Variants in RPS15 observed in about 807,000 individuals in gnomAD.
RPS15 encodes ribosomal protein S15.
RPS15 carries 5 observed loss-of-function variants against 14.9 expected under a neutral mutation model. The ratio of observed to expected loss-of-function variants is 0.34; its 90% CI spans 0.18 to 0.70. The LOEUF is 0.70. Among genes scored for constraint, RPS15 ranks in the 30% least tolerant of loss-of-function variants. The probability of loss-of-function intolerance (pLI) is 0.65; values close to 1 mark genes in which losing one functional copy is unlikely to be tolerated. For synonymous variants in RPS15, 103 were observed against 85.0 expected, an observed-to-expected ratio of 1.21 and a Z score of -1.16; for missense variants, 102 against 204.2, an observed-to-expected ratio of 0.50 and a Z score of 3.05.
At position 1,438,720 on chromosome 19, in the gene RPS15, C is replaced by A. The variant is rs995361749; in HGVS notation, c.4-87C>A. The A allele has an allele frequency of 6.5e-7, 1 of 1,536,690 alleles. No individual in the cohort carries two copies. The highest frequency in any genetic ancestry group is 8.8e-7 in the Non-Finnish European group (1 of 1,136,344). ...GTCGGGCTTCTGTCCCCGGCGGCGC[C>A]GCGCGTCTTCCGCGGTGTCCTCGGG... On this transcript the variant is annotated intron_variant, in intron 1 of 3. Transcript: ENST00000592588. This position sits in a 1 kb window ranked among gnomAD's most constrained non-coding sequence, Gnocchi z 4.8.
chr19:1,439,637 C>G (rs1403224147), intron 2 of RPS15: 1 of 526,466 alleles, frequency 1.9e-6, no homozygotes, highest in African/African-American at 1.9e-5. Context: ...TCAAGCGACC[C>G]TCCCGCCTCA....
chr19:1,438,435 G>C lies in RPS15; in HGVS notation c.3+7G>C, dbSNP rs1448092270. 23 of 1,613,352 alleles carry C rather than the reference G, an allele frequency of 1.4e-5. No individual in the cohort carries two copies. Among genetic ancestry groups the C allele is most frequent in the Non-Finnish European group, 1.7e-5 (20 of 1,179,912 alleles). ...CTGAGGATCCGGCAAGATGGTGAGT[G>C]TTGCGATTTGGCGCGTCTCTGCCGG... On this transcript the variant is annotated splice_region_variant and intron_variant, in intron 1 of 3. Transcript: ENST00000592588. This position sits in a 1 kb window ranked among gnomAD's most constrained non-coding sequence, Gnocchi z 4.8.
rs756877928 is a variant in RPS15, at chr19:1,438,510, C to A, written c.3+82C>A. 86 of 1,609,110 alleles carry A rather than the reference C, an allele frequency of 5.3e-5. No individual in the cohort carries two copies. The Middle Eastern group carries it at 6.6e-4, about 12-fold the overall frequency. ...TGACCGTCTCGCGGGGGCCGCAGTT[C>A]GTCCCCGCGGCTACGGCGGCTTGCT... On this transcript the variant is annotated intron_variant, in intron 1 of 3. Transcript: ENST00000592588. The surrounding 1 kb of genome is among the most constrained non-coding windows in gnomAD (Gnocchi z 4.8).
At chr19:1,439,702 C>T (rs1325870724) in intron 2 of RPS15, 2 of 585,514 alleles carry the variant, frequency 3.4e-6, no homozygotes, top group East Asian at 2.8e-5. Context: ...ACCTGCCTTC[C>T]CCTGCGTTTT....
At chr19:1,439,556 A>C (rs1351185047) in intron 2 of RPS15, 4 of 299,294 alleles carry the variant, frequency 1.3e-5, no homozygotes, top group Non-Finnish European at 2.5e-5. Flanking sequence ...ACCGCGCCCG[A>C]CCTTGATTTT....
At chr19:1,439,641 C>T (rs935199168) in intron 2 of RPS15, 2 of 529,644 alleles carry the variant, frequency 3.8e-6, no homozygotes, top group African/African-American at 1.9e-5. Context: ...GCGACCCTCC[C>T]GCCTCAACCT....
At position 1,440,097 on chromosome 19, in the gene RPS15, G is replaced by C. The variant is rs1212637401; in HGVS notation, c.168G>C (p.Leu56=). 6.3e-7 allele frequency: 1 copy of C among 1,587,492 alleles called. No homozygotes were observed. The highest frequency in any genetic ancestry group is 8.6e-7 in the Non-Finnish European group (1 of 1,168,902). The part of the protein sequence containing the change: ...NRGLRRKQHS[L]LKRLRKAKKE... ...GCCTGCGGCGGAAGCAGCACTCCCT[G>C]CTGAAGCGCCTGCGCAAGGCCAAGA... The change falls in exon 3 of 4, where the codon CTG becomes CTC. Residue 56 remains leucine, a synonymous_variant. Coordinates refer to ENST00000592588, the MANE Select transcript of RPS15 (RefSeq NM_001018.5).
chr19:1,439,934 C>A, intron 2 of RPS15, 85 bp from the exon 3 acceptor site: 1 of 1,135,822 alleles, frequency 8.8e-7, no homozygotes, highest in South Asian at 1.3e-5. Flanking sequence ...TGGAGAGAAC[C>A]AAGCCTTAGT....
intron 2 of RPS15, chr19:1,439,660 GC>G: frequency 1.8e-6 from 1 of 558,002 alleles, no homozygotes; most frequent in Non-Finnish European, 3.2e-6. Context: ...CTCCCGAAGT[GC>G]TGGGATCACA....
In RPS15 at chr19:1,438,451, T is replaced by A; in HGVS notation, c.3+23T>A. The A allele has an allele frequency of 6.2e-7, 1 of 1,613,326 alleles. No homozygotes were observed. Among genetic ancestry groups the A allele is most frequent in the Non-Finnish European group, 8.5e-7 (1 of 1,179,884 alleles). On this transcript the variant is annotated intron_variant, in intron 1 of 3. Coordinates refer to ENST00000592588, the MANE Select transcript of RPS15 (RefSeq NM_001018.5). This position sits in a 1 kb window ranked among gnomAD's most constrained non-coding sequence, Gnocchi z 4.8. ...ATGGTGAGTGTTGCGATTTGGCGCG[T>A]CTCTGCCGGGCCTATCCGGCTCCAT...
rs781333206 is a variant in RPS15 at position 1,440,277 on chromosome 19, C to G, written c.324+24C>G. 8.7e-6 allele frequency: 14 copies of G among 1,611,046 alleles called. No homozygotes were observed. In the Admixed American group the frequency reaches 2.3e-4, roughly 27 times the overall value. On this transcript the variant is annotated intron_variant, in intron 3 of 3. Coordinates refer to ENST00000592588, the MANE Select transcript of RPS15 (RefSeq NM_001018.5). ...AGGTGTGTGCGGCCGTCCCTGCCGG[C>G]TGGGGTGGGCTGGGGTCGCCTGATG...
intron 2 of RPS15, chr19:1,439,711 T>C (rs1569122981): frequency 1.7e-6 from 1 of 584,470 alleles, no homozygotes; most frequent in African/African-American, 1.9e-5. Context: ...CCCCTGCGTT[T>C]TTAGAGGCCT....
At chr19:1,439,595 G>A (rs1027750671) in intron 2 of RPS15, 1 of 419,608 alleles carries the variant, frequency 2.4e-6, no homozygotes. Context: ...GCGTTTCTCT[G>A]TGTCGTCCAG....
At chr19:1,439,006 C>T in intron 2 of RPS15, 114 bp downstream of exon 2, 2 of 832,078 alleles carry the variant, frequency 2.4e-6, no homozygotes, top group East Asian at 5.7e-5. Flanking sequence ...CGGGCACGGT[C>T]TCCGCGCGGG....
At chr19:1,439,005 T>C in intron 2 of RPS15, 113 bp downstream of exon 2, 1 of 829,274 alleles carries the variant, frequency 1.2e-6, no homozygotes, top group Non-Finnish European at 1.9e-6. Context: ...GCGGGCACGG[T>C]CTCCGCGCGG....
In RPS15 at chr19:1,438,970, G is replaced by A; in HGVS notation, c.89+78G>A. 7.8e-7 allele frequency: 1 copy of A among 1,284,646 alleles called. No individual in the cohort carries two copies. Among genetic ancestry groups the A allele is most frequent in the Middle Eastern group, 2.6e-4 (1 of 3,798 alleles). 79.6% of individuals were successfully genotyped at this position (1,284,646 alleles called of 1,614,324 possible). A position where few individuals can be genotyped will look rare whatever the true frequency, so the allele number is the denominator to read the frequency against. ...GTCCGGGTGAGGGCGGCGGGGCGGGGGTCCAAGCGCCTCTGCGGCGGTGGG... is the reference window on the plus strand; with the variant it reads ...GTCCGGGTGAGGGCGGCGGGGCGGGAGTCCAAGCGCCTCTGCGGCGGTGGG... On this transcript the variant is annotated intron_variant, in intron 2 of 3. Coordinates refer to ENST00000592588, the MANE Select transcript of RPS15 (RefSeq NM_001018.5). The surrounding 1 kb of genome is among the most constrained non-coding windows in gnomAD (Gnocchi z 4.8).
chr19:1,439,111 G>A, intron 2 of RPS15: 1 of 546,764 alleles, frequency 1.8e-6, no homozygotes, highest in Non-Finnish European at 3.2e-6. Context: ...TCACTTTTCC[G>A]CGGCTTAGTT....
In RPS15 at chr19:1,440,471, C is replaced by T. The variant is rs2083646162; in HGVS notation, c.*9C>T. On this transcript the variant is annotated 3_prime_UTR_variant, in exon 4 of 4. Transcript: ENST00000592588. Reference sequence around the variant, plus strand: ...TCATCCCTCTCAAGTAATGGCTCAGCTAATAAAGGCGCACATGACTCCAGT... The same window carrying T: ...TCATCCCTCTCAAGTAATGGCTCAGTTAATAAAGGCGCACATGACTCCAGT... The T allele has an allele frequency of 6.3e-7, 1 of 1,591,384 alleles. No homozygotes were observed. Among genetic ancestry groups the T allele is most frequent in the South Asian group, 1.1e-5 (1 of 90,682 alleles).
At chr19:1,439,814 T>C (rs1045841645) in intron 2 of RPS15, 7 of 631,268 alleles carry the variant, frequency 1.1e-5, no homozygotes, top group African/African-American at 1.1e-4. Flanking sequence ...ACGGTGGCTC[T>C]TGCATGTGAG....
Sources: allele counts gnomAD v4.1 joint callset, GRCh38; gene constraint gnomAD v4.1.1; non-coding constraint Gnocchi (gnomAD v3.1); transcripts MANE v1.5; gene names NCBI Gene and HGNC (gene_info 2026-07-23, HGNC 2026-07-21).